Variants in NAV3 observed in about 807,000 individuals in gnomAD.
The protein encoded by NAV3 is pore membrane and/or filament interacting like protein 1.
In NAV3, 87 loss-of-function variants were observed where a neutral mutation model predicts 244.7. That is an observed-to-expected ratio of 0.36 (90% CI 0.30 to 0.42). NAV3 has a LOEUF of 0.42. Among genes scored for constraint, NAV3 ranks in the 20% least tolerant of loss-of-function variants. The pLI, the probability that NAV3 is intolerant of heterozygous loss-of-function variation, is 1.00. For synonymous variants in NAV3, 1,126 were observed against 1,042.2 expected, an observed-to-expected ratio of 1.08 and a Z score of -1.55; for missense variants, 2,663 against 2,893.3, an observed-to-expected ratio of 0.92 and a Z score of 1.83.
At chr12:77,674,331 C>A (rs1370757999) in intron 2 of NAV3, among the ~76,000 whole-genome samples, 3 of 151,804 alleles carry the variant, frequency 2.0e-5, no homozygotes, top group Admixed American at 2.0e-4. Context: ...CCCACATGTT[C>A]TTTGGAAGAT....
At chr12:77,576,780 A>C (rs951420985) in intron 2 of NAV3, among the ~76,000 whole-genome samples, 17 of 152,088 alleles carry the variant, frequency 1.1e-4, no homozygotes, top group African/African-American at 3.4e-4. Flanking sequence ...TTTAGTGAGG[A>C]TAGGTCTAGC....
chr12:77,914,181 TA>T (rs1886897099), intron 1 of NAV3, among the ~76,000 whole-genome samples: 1 of 152,112 alleles, frequency 6.6e-6, no homozygotes, highest in Admixed American at 6.6e-5. Flanking sequence ...TAAACTGCCT[TA>T]AGAGAGAATC....
intron 12 of NAV3, among the ~76,000 whole-genome samples, chr12:78,103,804 C>T (rs1004382018): frequency 3.3e-5 from 5 of 152,164 alleles, no homozygotes; most frequent in African/African-American, 1.2e-4. Context: ...ATGGGTGATA[C>T]CACCCCCATG....
At chr12:77,731,632 G>T (rs1877131465) in intron 2 of NAV3, among the ~76,000 whole-genome samples, 1 of 151,904 alleles carries the variant, frequency 6.6e-6, no homozygotes, top group Non-Finnish European at 1.5e-5. Flanking sequence ...GAAACAGCAT[G>T]GATATCATTT....
At position 77,619,682 on chromosome 12, in the gene NAV3, C is replaced by T. The variant is rs561992902; in HGVS notation, c.72+47416C>T. On this transcript the variant is annotated intron_variant, in intron 2 of 8. Transcript: ENST00000550042. The stretch of plus-strand genomic sequence containing the variant: ...AATGCCTTTGCTATCACAGGGGACA[C>T]GTGGGAAAGAAAAATGAATAAGTAG... 3.4e-4 allele frequency among the ~76,000 whole-genome samples: 52 copies of T among 151,828 alleles called. 1 individual carries two copies. The East Asian group carries it at 6.0e-3, about 18-fold the overall frequency.
chr12:77,650,376 G>A (rs1872771224), intron 2 of NAV3, among the ~76,000 whole-genome samples: 1 of 152,108 alleles, frequency 6.6e-6, no homozygotes, highest in South Asian at 2.1e-4. Flanking sequence ...CCGAATCTTG[G>A]TAAATAGTTG....
intron 2 of NAV3, among the ~76,000 whole-genome samples, chr12:77,725,957 T>C (rs138901881): frequency 6.6e-6 from 1 of 152,100 alleles, no homozygotes; most frequent in African/African-American, 2.4e-5. Flanking sequence ...TGCATCACTC[T>C]GAATCTGACC....
At chr12:77,670,549 G>A (rs149171557) in intron 2 of NAV3, among the ~76,000 whole-genome samples, 5 of 152,168 alleles carry the variant, frequency 3.3e-5, no homozygotes, top group South Asian at 4.2e-4. Context: ...CAAAATACTA[G>A]CAAACCAAAT....
chr12:77,980,096 G>A (rs1869291073), intron 5 of NAV3, among the ~76,000 whole-genome samples: 1 of 152,006 alleles, frequency 6.6e-6, no homozygotes, highest in South Asian at 2.1e-4. Flanking sequence ...GAGGGGCTTG[G>A]CGTCTTATTG....
chr12:78,176,398 C>T (rs1258306148), intron 25 of NAV3, 41 bp from the exon 26 acceptor site: 1 of 1,605,480 alleles, frequency 6.2e-7, no homozygotes, highest in Non-Finnish European at 8.5e-7. Context: ...AGCCTTCATT[C>T]CCTTGATTTG....
chr12:77,918,369 C>T lies in NAV3; in HGVS notation c.244-21950C>T, dbSNP rs182167155. 2.8e-3 allele frequency among the ~76,000 whole-genome samples: 429 copies of T among 150,596 alleles called. 2 individuals carry two copies. The highest frequency in any genetic ancestry group is 7.3e-3 in the Admixed American group (111 of 15,192). ...ACCGCTTGGCTGAGTATCATTATAG[C>T]TAATATTAGAGGGACCTTTTTAGGT... On this transcript the variant is annotated intron_variant, in intron 1 of 39. Coordinates refer to ENST00000397909, the MANE Select transcript of NAV3 (RefSeq NM_001024383.2).
At chr12:77,863,739 A>G (rs1592819632) in intron 1 of NAV3, among the ~76,000 whole-genome samples, 1 of 151,966 alleles carries the variant, frequency 6.6e-6, no homozygotes, top group South Asian at 2.1e-4. Flanking sequence ...AAAAAATGGA[A>G]ATCTATATAA....
upstream of NAV3, among the ~76,000 whole-genome samples, chr12:77,827,260 A>AAAAAC (rs1474559232): frequency 7.4e-6 from 1 of 134,362 alleles, no homozygotes; most frequent in Non-Finnish European, 1.6e-5. Flanking sequence ...AAAAAAAAAA[A>AAAAAC]AGTAATGTGG....
At chr12:77,585,140 C>T (rs1470612113) in intron 2 of NAV3, among the ~76,000 whole-genome samples, 1 of 152,172 alleles carries the variant, frequency 6.6e-6, no homozygotes, top group Non-Finnish European at 1.5e-5. Flanking sequence ...CTGTCTATTG[C>T]TGGTCCAGGA....
rs766817760 is a variant in NAV3 at position 78,175,464 on chromosome 12, T to G, written c.5103+37T>G. The stretch of plus-strand genomic sequence containing the variant: ...TCCTTCATCTAATTCAGAAGCTTAT[T>G]AATGCATAATGTGTTAGGCCTTTTT... On this transcript the variant is annotated intron_variant, in intron 25 of 39. Transcript: ENST00000397909. 39 of 1,597,484 alleles carry G rather than the reference T, an allele frequency of 2.4e-5. No individual in the cohort carries two copies. In the South Asian group the frequency reaches 4.2e-4, roughly 17 times the overall value.
chr12:78,083,306 G>A (rs1036309363), intron 12 of NAV3, among the ~76,000 whole-genome samples: 54 of 152,036 alleles, frequency 3.6e-4, no homozygotes, highest in South Asian at 2.1e-4. Flanking sequence ...CTCATGACCC[G>A]GTGATCTCAT....
intron 9 of NAV3, among the ~76,000 whole-genome samples, chr12:78,046,547 C>G (rs1002576836): frequency 1.8e-4 from 27 of 152,070 alleles, no homozygotes; most frequent in African/African-American, 6.5e-4. Flanking sequence ...AGTTTTAAGT[C>G]AGTTTCTTAA....
chr12:77,616,432 C>T (rs1270731152), intron 2 of NAV3, among the ~76,000 whole-genome samples: 1 of 151,978 alleles, frequency 6.6e-6, no homozygotes, highest in Admixed American at 6.6e-5. Context: ...ATTTTAAATC[C>T]CTGCATAGTT....
chr12:77,804,461 A>G (rs1268493467), intron 2 of NAV3, among the ~76,000 whole-genome samples: 3 of 152,106 alleles, frequency 2.0e-5, no homozygotes, highest in South Asian at 2.1e-4. Context: ...TGTCAGGTTT[A>G]TCGAAGATCA....
Sources: allele counts gnomAD v4.1 joint callset (sites outside exome capture counted in the v4.1 genomes callset), GRCh38; gene constraint gnomAD v4.1.1; transcripts MANE v1.5; gene names NCBI Gene and HGNC (gene_info 2026-07-23, HGNC 2026-07-21).